Variants in SLC5A4 observed in about 807,000 individuals in gnomAD.
SLC5A4 encodes the protein solute carrier family 5 member 4.
In SLC5A4, 55 loss-of-function variants were observed where a neutral mutation model predicts 70.3. The ratio of observed to expected loss-of-function variants is 0.78; its 90% CI spans 0.63 to 0.98. The LOEUF (loss-of-function observed/expected upper bound fraction) is 0.98, where lower values mean the gene tolerates loss of function less well. Among genes scored for constraint, SLC5A4 ranks in the 50% least tolerant of loss-of-function variants. The pLI is 0.00. For synonymous variants in SLC5A4, 268 were observed against 305.7 expected (o/e 0.88, Z 1.29); for missense variants, 735 against 839.2 (o/e 0.88, Z 1.53).
At chr22:32,225,593 A>T in intron 12 of SLC5A4, 62 bp downstream of exon 12, 1 of 1,044,052 alleles carries the variant, frequency 9.6e-7, no homozygotes, top group Non-Finnish European at 1.4e-6. Context: ...TTGATACCCC[A>T]GTGAAATAAA....
chr22:32,312,386 C>CACACAT, the SLC5A4 span, among the ~76,000 whole-genome samples: 6,015 of 150,264 alleles, frequency 0.04, 276 homozygotes, highest in East Asian at 0.28. Flanking sequence ...CACACACACA[C>CACACAT]GCACATTCAA....
the SLC5A4 span, among the ~76,000 whole-genome samples, chr22:32,321,408 C>T: frequency 7.2e-5 from 11 of 152,058 alleles, no homozygotes; most frequent in South Asian, 2.1e-4. Flanking sequence ...GCTGAGATCG[C>T]GCCACTGCAC....
the SLC5A4 span, among the ~76,000 whole-genome samples, chr22:32,293,566 TA>T: frequency 6.6e-6 from 1 of 152,154 alleles, no homozygotes; most frequent in African/African-American, 2.4e-5. Context: ...TAACTTAATT[TA>T]TACCCCTCCT....
chr22:32,351,198 T>C, the SLC5A4 span, among the ~76,000 whole-genome samples: 5 of 152,214 alleles, frequency 3.3e-5, no homozygotes, highest in Non-Finnish European at 7.3e-5. Flanking sequence ...ATTACCTCCA[T>C]GCCTCTTGCC....
the SLC5A4 span, among the ~76,000 whole-genome samples, chr22:32,314,054 G>A: frequency 6.6e-6 from 1 of 152,176 alleles, no homozygotes; most frequent in Non-Finnish European, 1.5e-5. Context: ...TCAAGGGAGT[G>A]GCTCCGACAA....
At chr22:32,249,589 C>T (rs991727376) in intron 3 of SLC5A4, among the ~76,000 whole-genome samples, 3 of 152,196 alleles carry the variant, frequency 2.0e-5, no homozygotes, top group African/African-American at 7.2e-5. Flanking sequence ...GGGAGGGGCA[C>T]AGGTATGTGT....
At chr22:32,285,381 C>A in the SLC5A4 span, among the ~76,000 whole-genome samples, 7 of 152,130 alleles carry the variant, frequency 4.6e-5, no homozygotes, top group African/African-American at 1.7e-4. Flanking sequence ...CATAAGAGTA[C>A]CCTTTTCTCA....
At chr22:32,332,676 C>T in the SLC5A4 span, among the ~76,000 whole-genome samples, 1 of 152,156 alleles carries the variant, frequency 6.6e-6, no homozygotes, top group African/African-American at 2.4e-5. Flanking sequence ...TCACACCTCA[C>T]TTGTAGCCTG....
chr22:32,321,389 T>C, the SLC5A4 span, among the ~76,000 whole-genome samples: 1 of 152,032 alleles, frequency 6.6e-6, no homozygotes, highest in African/African-American at 2.4e-5. Context: ...GGGGTGGAGG[T>C]TGCAGTGAGC....
At chr22:32,273,673 T>A in the SLC5A4 span, among the ~76,000 whole-genome samples, 6 of 152,180 alleles carry the variant, frequency 3.9e-5, no homozygotes, top group Non-Finnish European at 5.9e-5. Context: ...GCTGAGTGAG[T>A]TATTTAATCA....
At chr22:32,232,689 T>C (rs1051937879) in intron 9 of SLC5A4, among the ~76,000 whole-genome samples, 8 of 152,058 alleles carry the variant, frequency 5.3e-5, no homozygotes, top group South Asian at 2.1e-4. Context: ...GTCTACGAGA[T>C]AGGCAGATGG....
the SLC5A4 span, among the ~76,000 whole-genome samples, chr22:32,300,256 C>A: frequency 2.0e-5 from 3 of 148,604 alleles, no homozygotes; most frequent in East Asian, 3.9e-4. Flanking sequence ...CCCCAAGCCT[C>A]GCTGCTGCCT....
At chr22:32,311,034 T>C in the SLC5A4 span, among the ~76,000 whole-genome samples, 3 of 152,214 alleles carry the variant, frequency 2.0e-5, no homozygotes, top group Non-Finnish European at 4.4e-5. Context: ...CTGCCTGGAA[T>C]GCTCTTTTCC....
At chr22:32,339,373 G>A in the SLC5A4 span, among the ~76,000 whole-genome samples, 1 of 152,132 alleles carries the variant, frequency 6.6e-6, no homozygotes. Context: ...TGTACTGATG[G>A]GAACACTGAG....
the SLC5A4 span, among the ~76,000 whole-genome samples, chr22:32,330,504 GTATGTGTTGGGGGC>G: frequency 7.5e-6 from 1 of 134,212 alleles, no homozygotes; most frequent in African/African-American, 2.8e-5. Flanking sequence ...GCTCTGGTGT[GTATGTGTTGGGGGC>G]TGTGTGTGTC....
the SLC5A4 span, among the ~76,000 whole-genome samples, chr22:32,321,541 T>C: frequency 1.3e-5 from 2 of 152,232 alleles, no homozygotes; most frequent in Non-Finnish European, 2.9e-5. Context: ...TGGGGGTTTG[T>C]TGTACAGATT....
chr22:32,256,496 G>A (rs2145712164), upstream of SLC5A4, among the ~76,000 whole-genome samples: 1 of 152,178 alleles, frequency 6.6e-6, no homozygotes, highest in South Asian at 2.1e-4. Context: ...ACAGTGTTAT[G>A]CAGCCATTAC....
At chr22:32,244,181 T>C (rs2145688121) in intron 5 of SLC5A4, among the ~76,000 whole-genome samples, 1 of 152,344 alleles carries the variant, frequency 6.6e-6, no homozygotes, top group East Asian at 1.9e-4. Context: ...TGTAACTCTA[T>C]TGCACATTGG....
At chr22:32,234,481 C>T (rs1293505641) in intron 8 of SLC5A4, among the ~76,000 whole-genome samples, 1 of 152,108 alleles carries the variant, frequency 6.6e-6, no homozygotes, top group Non-Finnish European at 1.5e-5. Flanking sequence ...GGCAGATCAC[C>T]TAAGGTCAGG....
Sources: allele counts gnomAD v4.1 joint callset (sites outside exome capture counted in the v4.1 genomes callset), GRCh38; gene constraint gnomAD v4.1.1; transcripts MANE v1.5; gene names NCBI Gene and HGNC (gene_info 2026-07-23, HGNC 2026-07-21).